The following TSHZ2 variants were observed in gnomAD, a reference collection of about 807,000 sequenced individuals.
TSHZ2 encodes teashirt homolog 2.
A neutral mutation model predicts 74.4 loss-of-function variants in TSHZ2; 21 were observed. The ratio of observed to expected loss-of-function variants is 0.28; its 90% CI spans 0.20 to 0.41. The LOEUF is 0.41. TSHZ2 is among the 10% of genes least tolerant of loss of function. The probability of loss-of-function intolerance (pLI) is 1.00; values close to 1 mark genes in which losing one functional copy is unlikely to be tolerated. For missense variants in TSHZ2, 1,244 were observed against 1,293.5 expected (o/e 0.96, Z 0.59); for synonymous variants, 540 against 515.3 (o/e 1.05, Z -0.65).
intron 1 of TSHZ2, among the ~76,000 whole-genome samples, chr20:53,015,426 A>G (rs1299793204): frequency 1.3e-5 from 2 of 152,044 alleles, no homozygotes; most frequent in African/African-American, 2.4e-5. Context: ...ATGCTGCCAA[A>G]CGTTCTACAA....
rs146106291 is a variant in TSHZ2 at position 53,249,418 on chromosome 20, A to C, written c.41-4081A>C. ...ATGGGGATAGATATTCTAACCTTAC[A>C]TCCAGTAGAAGAAGACATCAATCAA... On this transcript the variant is annotated intron_variant, in intron 1 of 2. Coordinates refer to ENST00000371497, the MANE Select transcript of TSHZ2 (RefSeq NM_173485.6). Among the ~76,000 whole-genome samples the C allele has an allele frequency of 1.6e-3, 243 of 152,310 alleles. 1 individual carries two copies. The highest frequency in any genetic ancestry group is 3.4e-3 in the Middle Eastern group (1 of 294).
chr20:53,255,783 C>A lies in TSHZ2; in HGVS notation c.2325C>A (p.Ala775=), dbSNP rs538998480. 3 of 1,613,974 alleles carry A rather than the reference C, an allele frequency of 1.9e-6. No homozygotes were observed. The highest frequency in any genetic ancestry group is 2.5e-6 in the Non-Finnish European group (3 of 1,179,970). ...TGACCAAGTCCAAAAGCAAGAAAGC[C>A]GAGTCCTCGCAAGCACAATCTTGTA... ...IDLTKSKSKK[A]ESSQAQSCMS... Residue 775 remains alanine (A), a synonymous_variant, in exon 2 of 3, where the codon GCC becomes GCA. Transcript: ENST00000371497. This position sits in a 1 kb window ranked among gnomAD's most constrained non-coding sequence, Gnocchi z 4.1.
chr20:53,138,343 C>T (rs147079623), intron 1 of TSHZ2, among the ~76,000 whole-genome samples: 216 of 151,214 alleles, frequency 1.4e-3, no homozygotes, highest in African/African-American at 5.0e-3. Context: ...GAGATCAAGC[C>T]GCTGCACTCC....
intron 2 of TSHZ2, among the ~76,000 whole-genome samples, chr20:53,296,068 G>A (rs1600795743): frequency 6.8e-6 from 1 of 147,736 alleles, no homozygotes; most frequent in East Asian, 2.0e-4. Context: ...CAGGCAGTTT[G>A]ATGCATATTA....
In TSHZ2 at chr20:53,254,054, G is replaced by T; in HGVS notation, c.596G>T (p.Arg199Leu). ...PSLFSSVQLY[R>L]QSSKMCGTVF... ...CTGTTCAGCTCGGTGCAGTTGTACC[G>T]ACAGAGCAGCAAGATGTGCGGGACT... Residue 199 changes from arginine to leucine, a missense_variant, in exon 2 of 3, where the codon CGA becomes CTA. Coordinates refer to ENST00000371497, the MANE Select transcript of TSHZ2 (RefSeq NM_173485.6). The T allele has an allele frequency of 6.2e-7, 1 of 1,614,092 alleles. No homozygotes were observed. Among genetic ancestry groups the T allele is most frequent in the Non-Finnish European group, 8.5e-7 (1 of 1,180,032 alleles).
chr20:53,352,375 A>G (rs1980682511), intron 2 of TSHZ2, among the ~76,000 whole-genome samples: 2 of 151,682 alleles, frequency 1.3e-5, no homozygotes, highest in Non-Finnish European at 2.9e-5. Flanking sequence ...TACAGGGTCC[A>G]ATGAGGAAAT....
At chr20:53,222,839 G>T (rs1231449851) in intron 1 of TSHZ2, among the ~76,000 whole-genome samples, 2 of 152,134 alleles carry the variant, frequency 1.3e-5, no homozygotes, top group African/African-American at 4.8e-5. Context: ...TTACTATTCA[G>T]ATTGTCTTTG....
intron 1 of TSHZ2, among the ~76,000 whole-genome samples, chr20:53,086,043 G>C (rs938464726): frequency 1.3e-5 from 2 of 152,204 alleles, no homozygotes; most frequent in African/African-American, 4.8e-5. Flanking sequence ...CAATCTCTTT[G>C]CATGGAGGCC....
chr20:53,194,013 A>C (rs1462800971), intron 1 of TSHZ2, among the ~76,000 whole-genome samples: 1 of 152,156 alleles, frequency 6.6e-6, no homozygotes, highest in Non-Finnish European at 1.5e-5. Context: ...GTGTCTTTTG[A>C]CCACCTCTGA....
At chr20:52,975,054 G>C (rs978312893) in intron 1 of TSHZ2, among the ~76,000 whole-genome samples, 7 of 152,000 alleles carry the variant, frequency 4.6e-5, no homozygotes, top group South Asian at 2.1e-4. Flanking sequence ...CTAAAACTTA[G>C]GCTGCTTTGC....
chr20:53,420,295 G>A (rs1043329582), intron 2 of TSHZ2, among the ~76,000 whole-genome samples: 2 of 152,100 alleles, frequency 1.3e-5, no homozygotes, highest in East Asian at 1.9e-4. Flanking sequence ...TGTGTCAGCC[G>A]GGCATGCAGA....
At chr20:53,097,954 A>G (rs1376618266) in intron 1 of TSHZ2, 6 of 152,238 alleles carry the variant, frequency 3.9e-5, no homozygotes, top group Admixed American at 2.6e-4. Flanking sequence ...TAGATACACA[A>G]GAATGGATAT....
chr20:53,423,597 G>C (rs1411386577), intron 2 of TSHZ2, among the ~76,000 whole-genome samples: 1 of 152,150 alleles, frequency 6.6e-6, no homozygotes, highest in South Asian at 2.1e-4. Context: ...CCTTCACCCA[G>C]AGTTTTCTCT....
chr20:53,211,296 G>C (rs916986085), intron 1 of TSHZ2, among the ~76,000 whole-genome samples: 5 of 152,096 alleles, frequency 3.3e-5, no homozygotes, highest in Admixed American at 3.3e-4. Flanking sequence ...AAAGATAAAA[G>C]CTCTTTTTGT....
At chr20:53,436,662 C>T (rs1463464044) in intron 2 of TSHZ2, among the ~76,000 whole-genome samples, 1 of 151,056 alleles carries the variant, frequency 6.6e-6, no homozygotes, top group Non-Finnish European at 1.5e-5. Context: ...TCTCCTGCCT[C>T]AGCCTCCCCA....
chr20:53,066,984 C>G (rs540148929), intron 1 of TSHZ2, among the ~76,000 whole-genome samples: 2 of 152,260 alleles, frequency 1.3e-5, no homozygotes, highest in East Asian at 3.9e-4. Context: ...CCTCACATTT[C>G]AAAAATATTA....
intron 2 of TSHZ2, among the ~76,000 whole-genome samples, chr20:53,325,912 G>C (rs1979474546): frequency 6.6e-6 from 1 of 152,126 alleles, no homozygotes; most frequent in Non-Finnish European, 1.5e-5. Context: ...CTCCCAAGTA[G>C]CTGGGATTAC....
At chr20:53,313,344 C>T (rs1210232617) in intron 2 of TSHZ2, among the ~76,000 whole-genome samples, 1 of 152,224 alleles carries the variant, frequency 6.6e-6, no homozygotes. Flanking sequence ...ACTTCCCTAC[C>T]TCCTTAAATA....
At chr20:53,123,081 C>G (rs1447827239) in intron 1 of TSHZ2, among the ~76,000 whole-genome samples, 1 of 152,194 alleles carries the variant, frequency 6.6e-6, no homozygotes, top group East Asian at 1.9e-4. Context: ...ACAGAAGTAT[C>G]TCCTCACTGT....
Sources: allele counts gnomAD v4.1 joint callset (sites outside exome capture counted in the v4.1 genomes callset), GRCh38; gene constraint gnomAD v4.1.1; non-coding constraint Gnocchi (gnomAD v3.1); transcripts MANE v1.5; gene names NCBI Gene and HGNC (gene_info 2026-07-23, HGNC 2026-07-21).